WDR41: variants seen among roughly 807,000 people sequenced by gnomAD.
WDR41 encodes the protein WD repeat-containing protein 41.
Under a neutral mutation model 69.3 loss-of-function variants are expected in WDR41, and 63 were observed. The ratio of observed to expected loss-of-function variants is 0.91; its 90% CI spans 0.74 to 1.12. The LOEUF (loss-of-function observed/expected upper bound fraction) is 1.12, where lower values mean the gene tolerates loss of function less well. Among genes scored for constraint, WDR41 ranks in the 50% most tolerant of loss-of-function variants. The pLI is 0.00. For synonymous variants in WDR41, 185 were observed against 192.1 expected (o/e 0.96, Z 0.31); for missense variants, 543 against 534.5 (o/e 1.02, Z -0.16).
chr5:77,479,111 AC>A (rs1801103218), intron 2 of WDR41, among the ~76,000 whole-genome samples: 1 of 152,096 alleles, frequency 6.6e-6, no homozygotes, highest in Non-Finnish European at 1.5e-5. Flanking sequence ...AATCCAACTT[AC>A]AAGGGATGGG....
intron 4 of WDR41, among the ~76,000 whole-genome samples, chr5:77,462,162 C>T (rs988995723): frequency 6.6e-6 from 1 of 152,004 alleles, no homozygotes; most frequent in African/African-American, 2.4e-5. Flanking sequence ...ATAATCCCAG[C>T]ATTGTGGGAG....
At chr5:77,501,605 C>T (rs1802019165) in intron 1 of WDR41, among the ~76,000 whole-genome samples, 1 of 152,210 alleles carries the variant, frequency 6.6e-6, no homozygotes, top group Non-Finnish European at 1.5e-5. Flanking sequence ...TGTAGCCTAA[C>T]TGGGAGACAC....
At chr5:77,575,421 A>G (rs1743813269) in intron 1 of WDR41, among the ~76,000 whole-genome samples, 1 of 152,234 alleles carries the variant, frequency 6.6e-6, no homozygotes, top group Admixed American at 6.5e-5. Context: ...TCAGTATTTA[A>G]GCATCCTCCT....
chr5:77,477,988 G>A (rs1043895260), intron 2 of WDR41, among the ~76,000 whole-genome samples: 11 of 151,424 alleles, frequency 7.3e-5, no homozygotes, highest in Non-Finnish European at 1.2e-4. Context: ...AATGATAAAG[G>A]GGATATCACC....
chr5:77,523,688 A>C (rs1056177756), intron 1 of WDR41, among the ~76,000 whole-genome samples: 2 of 152,194 alleles, frequency 1.3e-5, no homozygotes, highest in East Asian at 3.9e-4. Context: ...TTAGTTTAAC[A>C]ATCTTGCCAA....
chr5:77,466,269 G>C (rs1028000035), intron 2 of WDR41, among the ~76,000 whole-genome samples: 6 of 151,850 alleles, frequency 4.0e-5, no homozygotes, highest in Non-Finnish European at 5.9e-5. Context: ...AATAAAAATA[G>C]ATTTCCTATG....
chr5:77,492,266 A>C lies in WDR41; in HGVS notation c.-46T>G, dbSNP rs771253559. ...GCCCGGTCCAGCCCCAGTCAGCCCA[A>C]ACTCCGCCCCAGGCTCGGCCTCCTC... On this transcript the variant is annotated 5_prime_UTR_variant, in exon 1 of 13. Transcript: ENST00000296679. 1 of 1,607,838 alleles carries C rather than the reference A, an allele frequency of 6.2e-7. No homozygotes were observed. Among genetic ancestry groups the C allele is most frequent in the Non-Finnish European group, 8.5e-7 (1 of 1,177,620 alleles).
chr5:77,489,586 A>G lies in WDR41; in HGVS notation c.52-14T>C, dbSNP rs756252249. On this transcript the variant is annotated splice_polypyrimidine_tract_variant and intron_variant, in intron 1 of 12. Coordinates refer to ENST00000296679, the MANE Select transcript of WDR41 (RefSeq NM_018268.4). ...TAAAGGAGATTTCTTGTATTGAAAAAAAAAAAAAAGCAAAAAACAAAAGAC... is the reference window on the plus strand; with the variant it reads ...TAAAGGAGATTTCTTGTATTGAAAAGAAAAAAAAAGCAAAAAACAAAAGAC... 5.3e-6 allele frequency: 8 copies of G among 1,520,270 alleles called. No homozygotes were observed. The highest frequency in any genetic ancestry group is 5.3e-6 in the Non-Finnish European group (6 of 1,124,084). The allele number at this position is 1,520,270 out of a possible 1,614,324, so 94.2% of individuals were successfully genotyped here.
intron 1 of WDR41, among the ~76,000 whole-genome samples, chr5:77,533,842 G>A (rs1288759001): frequency 6.6e-6 from 1 of 151,992 alleles, no homozygotes; most frequent in Non-Finnish European, 1.5e-5. Flanking sequence ...CCTTTGCAGG[G>A]GCTACTTCTT....
At chr5:77,560,909 C>T (rs1265965957) in intron 1 of WDR41, among the ~76,000 whole-genome samples, 1 of 152,106 alleles carries the variant, frequency 6.6e-6, no homozygotes, top group Non-Finnish European at 1.5e-5. Context: ...TTTGCATTTA[C>T]AGTTTCATGA....
At chr5:77,491,977 C>T (rs1801814533) in intron 1 of WDR41, 193 bp downstream of exon 1, 1 of 649,826 alleles carries the variant, frequency 1.5e-6, no homozygotes, top group South Asian at 2.2e-5. Context: ...CCTGGGGTCC[C>T]GCCGGGTCTG....
intron 6 of WDR41, chr5:77,452,076 T>A (rs1581708287): frequency 6.6e-6 from 1 of 152,098 alleles, no homozygotes; most frequent in East Asian, 1.9e-4. Context: ...ATAATATATA[T>A]GCAAGTGTAG....
intron 1 of WDR41, among the ~76,000 whole-genome samples, chr5:77,556,467 G>T (rs1386870649): frequency 2.0e-5 from 3 of 152,056 alleles, no homozygotes; most frequent in Admixed American, 6.6e-5. Flanking sequence ...GAGTGCAGTG[G>T]CATGATGTCG....
intron 1 of WDR41, among the ~76,000 whole-genome samples, chr5:77,529,418 G>T (rs1387288242): frequency 1.3e-5 from 2 of 151,326 alleles, no homozygotes; most frequent in Admixed American, 1.3e-4. Context: ...TGGATTCAGA[G>T]GCTCAAAATT....
chr5:77,542,080 C>G (rs1323200227), intron 1 of WDR41, among the ~76,000 whole-genome samples: 1 of 152,112 alleles, frequency 6.6e-6, no homozygotes, highest in Non-Finnish European at 1.5e-5. Context: ...TCATGGAATA[C>G]TATGCAGCCA....
chr5:77,564,596 C>T (rs891009776), intron 1 of WDR41, among the ~76,000 whole-genome samples: 2 of 152,088 alleles, frequency 1.3e-5, no homozygotes, highest in African/African-American at 2.4e-5. Flanking sequence ...CCTTTTACTG[C>T]GCAATGGTAG....
intron 1 of WDR41, among the ~76,000 whole-genome samples, chr5:77,521,354 G>A (rs912208632): frequency 2.0e-5 from 3 of 152,238 alleles, no homozygotes; most frequent in African/African-American, 7.2e-5. Context: ...AGTAATGCCG[G>A]CTCCCATGCC....
intron 1 of WDR41, among the ~76,000 whole-genome samples, chr5:77,599,247 C>CTGGA (rs1244877854): frequency 4.9e-5 from 6 of 122,354 alleles, no homozygotes; most frequent in African/African-American, 1.8e-4. Context: ...TTCACCCAGG[C>CTGGA]TGGAATACAG....
At chr5:77,485,764 G>A (rs1212016160) in intron 2 of WDR41, among the ~76,000 whole-genome samples, 1 of 152,036 alleles carries the variant, frequency 6.6e-6, no homozygotes, top group African/African-American at 2.4e-5. Context: ...GAAAAGAAAA[G>A]GCAGCTGTCT....
Sources: allele counts gnomAD v4.1 joint callset (sites outside exome capture counted in the v4.1 genomes callset), GRCh38; gene constraint gnomAD v4.1.1; transcripts MANE v1.5; gene names NCBI Gene and HGNC (gene_info 2026-07-23, HGNC 2026-07-21).